The following NPRL3 variants were observed in gnomAD, a reference collection of about 807,000 sequenced individuals.
The protein encoded by NPRL3 is GATOR1 complex protein NPRL3.
Under a neutral mutation model 57.2 loss-of-function variants are expected in NPRL3, and 23 were observed. The observed-to-expected ratio is 0.40, with a 90% CI of 0.29 to 0.57. The LOEUF (loss-of-function observed/expected upper bound fraction) is 0.57. NPRL3 is among the 20% of genes least tolerant of loss of function. The probability of loss-of-function intolerance (pLI) is 0.42; values close to 1 mark genes in which losing one functional copy is unlikely to be tolerated. For synonymous variants in NPRL3, 333 were observed against 321.1 expected, an observed-to-expected ratio of 1.04 and a Z score of -0.39; for missense variants, 691 against 767.1, an observed-to-expected ratio of 0.90 and a Z score of 1.17.
In NPRL3 at chr16:88,774, G is replaced by A; in HGVS notation, c.1468C>T (p.Leu490=). Reference sequence around the variant, plus strand: ...ATGGCTGCGCGTTCATGCTCCGACAGGCTGGCCAGCAGGTTCTCCGTCATC... The same window carrying A: ...ATGGCTGCGCGTTCATGCTCCGACAAGCTGGCCAGCAGGTTCTCCGTCATC... ...QRMTENLLAS[L]SEHERAAILS... The change falls in exon 13 of 14, where the codon CTG becomes TTG. Residue 490 remains leucine, a synonymous_variant. Coordinates refer to ENST00000611875, the MANE Select transcript of NPRL3 (RefSeq NM_001077350.3). 1.2e-6 allele frequency: 2 copies of A among 1,613,410 alleles called. No individual in the cohort carries two copies. Among genetic ancestry groups the A allele is most frequent in the Middle Eastern group, 3.3e-4 (2 of 6,060 alleles).
chr16:117,509 G>GCT (rs1261316268), intron 4 of NPRL3, 134 bp from the exon 5 acceptor site: 1 of 631,874 alleles, frequency 1.6e-6, no homozygotes. Flanking sequence ...GAATGCCTTT[G>GCT]CTCTGGAGGC....
chr16:92,955 T>C, intron 10 of NPRL3: 1 of 621,568 alleles, frequency 1.6e-6, no homozygotes, highest in Non-Finnish European at 2.8e-6. Flanking sequence ...TCACCTCTGA[T>C]CCCTCAAGGT....
At chr16:92,464 G>A (rs1898801477) in intron 11 of NPRL3, 132 bp downstream of exon 11, 8 of 1,182,336 alleles carry the variant, frequency 6.8e-6, no homozygotes, top group South Asian at 1.5e-5. Context: ...GCACTTGCAC[G>A]GCAAGCCCCC....
intron 3 of NPRL3, among the ~76,000 whole-genome samples, chr16:128,716 T>G (rs1461200191): frequency 6.6e-6 from 1 of 151,756 alleles, no homozygotes. Context: ...TGCAGTGAGC[T>G]GAGATCGCGC....
chr16:88,630 C>A (rs143442529), intron 13 of NPRL3, 68 bp downstream of exon 13: 9 of 1,380,080 alleles, frequency 6.5e-6, no homozygotes, highest in Non-Finnish European at 8.0e-6. Context: ...CTGTTGCGTA[C>A]GTCCCTATCC....
chr16:86,571 C>G lies in NPRL3; in HGVS notation c.*134G>C. ...GGGCTCTGCAGGCTTCACTGGGCCA[C>G]GGCCAGCCCGCATCCACCCAATGCC... On this transcript the variant is annotated 3_prime_UTR_variant, in exon 14 of 14. Transcript: ENST00000611875. 1 of 909,554 alleles carries G rather than the reference C, an allele frequency of 1.1e-6. No homozygotes were observed. Among genetic ancestry groups the G allele is most frequent in the Non-Finnish European group, 1.6e-6 (1 of 616,582 alleles). 56.3% of individuals were successfully genotyped at this position (909,554 alleles called of 1,614,324 possible).
intron 6 of NPRL3, among the ~76,000 whole-genome samples, chr16:112,305 TC>T (rs1245588166): frequency 2.0e-5 from 3 of 152,230 alleles, no homozygotes; most frequent in African/African-American, 7.2e-5. Context: ...TTGGGAGTCT[TC>T]CTGTGCCCCC....
intron 2 of NPRL3, among the ~76,000 whole-genome samples, chr16:132,400 C>A (rs1180360298): frequency 6.6e-6 from 1 of 152,164 alleles, no homozygotes; most frequent in Non-Finnish European, 1.5e-5. Flanking sequence ...CATCTTTAGG[C>A]CCTACTTCTA....
chr16:95,640 A>G (rs1015734664), intron 9 of NPRL3, among the ~76,000 whole-genome samples: 1 of 152,082 alleles, frequency 6.6e-6, no homozygotes, highest in Admixed American at 6.6e-5. Context: ...TAAAATCACA[A>G]TTCACTGCAG....
intron 9 of NPRL3, among the ~76,000 whole-genome samples, chr16:94,237 C>G (rs753345120): frequency 6.6e-6 from 1 of 152,122 alleles, no homozygotes; most frequent in African/African-American, 2.4e-5. Flanking sequence ...CAACCCAAAC[C>G]CCTTCCAGAG....
At chr16:104,325 G>A (rs1005550758) in intron 7 of NPRL3, among the ~76,000 whole-genome samples, 27 of 152,114 alleles carry the variant, frequency 1.8e-4, no homozygotes, top group African/African-American at 6.0e-4. Context: ...TAAAAAAAAA[G>A]ACACCTAATT....
chr16:137,730 A>T (rs1481635698), intron 2 of NPRL3, among the ~76,000 whole-genome samples: 1 of 150,350 alleles, frequency 6.7e-6, no homozygotes, highest in Non-Finnish European at 1.5e-5. Context: ...GTTTTTTTTT[A>T]TTTTTATTTT....
Position 112,699 on chromosome 16 carries a change from T to C in NPRL3, c.470A>G (p.Glu157Gly), listed in dbSNP as rs762922931. The change falls in exon 6 of 14, where the codon GAG becomes GGG. Residue 157 changes from glutamate to glycine, a missense_variant. Physicochemically the swap from Glu to Gly is moderately conservative, Grantham distance 98. Transcript: ENST00000611875. The part of the protein sequence containing the change: ...RRIATVLQHE[E>G]RRCQYLTREA... Reference sequence around the variant, plus strand: ...CCGGGTGAGGTACTGGCAGCGGCGCTCCTCGTGCTGCAGCACGGTGGCGAT... The same window carrying C: ...CCGGGTGAGGTACTGGCAGCGGCGCCCCTCGTGCTGCAGCACGGTGGCGAT... 3.1e-6 allele frequency: 5 copies of C among 1,611,500 alleles called. No homozygotes were observed. The Admixed American group carries it at 6.7e-5, about 22-fold the overall frequency.
Position 92,720 on chromosome 16 carries a change from G to A in NPRL3, c.1037C>T (p.Ser346Phe). 1.2e-6 allele frequency: 2 copies of A among 1,613,524 alleles called. No homozygotes were observed. The highest frequency in any genetic ancestry group is 1.3e-5 in the African/African-American group (1 of 75,060). ...LSPNASVCLY[S>F]PLAEQFSHQF... Reference sequence around the variant, plus strand: ...GTGGGAGAACTGCTCGGCCAGCGGGGAGTACCTGCAGGCAGGTGAGCATGC... The same window carrying A: ...GTGGGAGAACTGCTCGGCCAGCGGGAAGTACCTGCAGGCAGGTGAGCATGC... The change falls in exon 11 of 14, where the codon TCC (serine) becomes TTC (phenylalanine). Residue 346 changes from serine (S) to phenylalanine (F), a missense_variant. By Grantham distance (155) the Ser-to-Phe change is radical (BLOSUM62 -2). Coordinates refer to ENST00000611875, the MANE Select transcript of NPRL3 (RefSeq NM_001077350.3).
rs1162842360 is a variant in NPRL3 at position 134,693 on chromosome 16, TA to T, written c.118+3456del. Among the ~76,000 whole-genome samples, 127 of 102,352 alleles carry T rather than the reference TA, an allele frequency of 1.2e-3. 1 individual carries two copies. The highest frequency in any genetic ancestry group is 3.5e-3 in the African/African-American group (93 of 26,898). 67.1% of individuals were successfully genotyped at this position (102,352 alleles called of 152,430 possible). ...AACATAAAGTCACAGTAATTATTAT[TA>T]TTTTTTTTTTTTTTTTTTTTTTTTT... On this transcript the variant is annotated intron_variant, in intron 2 of 13. Coordinates refer to ENST00000611875, the MANE Select transcript of NPRL3 (RefSeq NM_001077350.3).
intron 3 of NPRL3, among the ~76,000 whole-genome samples, chr16:128,138 T>C (rs1041417232): frequency 6.6e-6 from 1 of 152,080 alleles, no homozygotes; most frequent in African/African-American, 2.4e-5. Context: ...ATTACAGGCA[T>C]GTGCTCCCAT....
chr16:130,291 C>T (rs771536695), intron 3 of NPRL3, among the ~76,000 whole-genome samples: 9 of 152,234 alleles, frequency 5.9e-5, no homozygotes, highest in Non-Finnish European at 1.2e-4. Context: ...CTCTGACCTG[C>T]TTCACCCACC....
At position 93,244 on chromosome 16, in the gene NPRL3, G is replaced by GC; in HGVS notation, c.1005dup (p.Leu336AlafsTer25). 1 of 1,557,118 alleles carries GC rather than the reference G, an allele frequency of 6.4e-7. No individual in the cohort carries two copies. Among genetic ancestry groups the GC allele is most frequent in the Non-Finnish European group, 8.7e-7 (1 of 1,149,980 alleles). ...AGACATACGCTGGCATTGGGAGACA[G>GC]CATGTAGACGTTGTTCTCACACAGC... On this transcript the variant is annotated frameshift_variant, in exon 10 of 14. Transcript: ENST00000611875. LOFTEE classifies it high-confidence loss of function.
At chr16:121,823 G>A (rs183908320) in intron 3 of NPRL3, among the ~76,000 whole-genome samples, 1 of 152,158 alleles carries the variant, frequency 6.6e-6, no homozygotes. Context: ...CCCCCAGGCT[G>A]GAGTGCAATG....
Sources: allele counts gnomAD v4.1 joint callset (sites outside exome capture counted in the v4.1 genomes callset), GRCh38; gene constraint gnomAD v4.1.1; transcripts MANE v1.5; gene names NCBI Gene and HGNC (gene_info 2026-07-23, HGNC 2026-07-21).